SLC26A5: variants seen among roughly 807,000 people sequenced by gnomAD.
SLC26A5 encodes prestin.
Under a neutral mutation model 81.0 loss-of-function variants are expected in SLC26A5, and 51 were observed. The ratio of observed to expected loss-of-function variants is 0.63; its 90% CI spans 0.50 to 0.80. The LOEUF (loss-of-function observed/expected upper bound fraction) is 0.80, where lower values mean the gene tolerates loss of function less well. SLC26A5 is among the 30% of genes least tolerant of loss of function. The pLI is 0.00. For missense variants in SLC26A5, 771 were observed against 905.8 expected, an observed-to-expected ratio of 0.85 and a Z score of 1.91; for synonymous variants, 325 against 332.8, an observed-to-expected ratio of 0.98 and a Z score of 0.25.
chr7:103,364,109 AGTG>A (rs1820563542), intron 19 of SLC26A5: 2 of 1,600,370 alleles, frequency 1.2e-6, no homozygotes, highest in Non-Finnish European at 1.7e-6. Flanking sequence ...GTTATACAGA[AGTG>A]GTAAGTGTGA....
chr7:103,407,512 G>C (rs1477016333), intron 8 of SLC26A5, among the ~76,000 whole-genome samples: 1 of 152,064 alleles, frequency 6.6e-6, no homozygotes, highest in Non-Finnish European at 1.5e-5. Flanking sequence ...AATGGAAATG[G>C]ATTTCTTTTT....
chr7:103,438,389 C>CT (rs979524403), intron 2 of SLC26A5, among the ~76,000 whole-genome samples: 8,518 of 142,888 alleles, frequency 0.06, 632 homozygotes, highest in African/African-American at 0.17. Context: ...GATTTCTTTT[C>CT]TTTTTTTTTT....
At position 103,374,498 on chromosome 7, in the gene SLC26A5, G is replaced by A; in HGVS notation, c.2136C>T (p.Gly712=). Reference sequence around the variant, plus strand: ...CAGCAAGTGCCTCTCTAAGTTGGCTGCCTAAAACTGCATCATGAATGCTGT... The same window carrying A: ...CAGCAAGTGCCTCTCTAAGTTGGCTACCTAAAACTGCATCATGAATGCTGT... ...LFHSIHDAVL[G]SQLREALAEQ... The change falls in exon 20 of 20, where the codon GGC becomes GGT. Residue 712 remains glycine (G), a synonymous_variant. Transcript: ENST00000306312. 4 of 1,613,862 alleles carry A rather than the reference G, an allele frequency of 2.5e-6. No homozygotes were observed. The highest frequency in any genetic ancestry group is 3.4e-6 in the Non-Finnish European group (4 of 1,180,006).
At chr7:103,408,795 A>G (rs1305602737) in intron 7 of SLC26A5, among the ~76,000 whole-genome samples, 1 of 152,106 alleles carries the variant, frequency 6.6e-6, no homozygotes, top group African/African-American at 2.4e-5. Context: ...CCACTTAATT[A>G]TATCCTAGGG....
chr7:103,412,878 T>C (rs1384182666), intron 5 of SLC26A5, 124 bp downstream of exon 5: 4 of 741,392 alleles, frequency 5.4e-6, no homozygotes, highest in South Asian at 3.0e-5. Flanking sequence ...GCACCTATTG[T>C]GTATGCAGTA....
At chr7:103,389,817 G>A (rs892266861) in intron 12 of SLC26A5, among the ~76,000 whole-genome samples, 4 of 152,082 alleles carry the variant, frequency 2.6e-5, no homozygotes, top group East Asian at 1.9e-4. Flanking sequence ...TAGTAGAGAC[G>A]GGATTTCACC....
intron 2 of SLC26A5, among the ~76,000 whole-genome samples, chr7:103,439,792 C>T (rs1394810196): frequency 6.6e-6 from 1 of 152,170 alleles, no homozygotes; most frequent in Non-Finnish European, 1.5e-5. Flanking sequence ...CTTTGGCCTC[C>T]CAAAAGTGCT....
intron 2 of SLC26A5, among the ~76,000 whole-genome samples, chr7:103,428,564 T>C (rs909504514): frequency 5.0e-5 from 7 of 138,782 alleles, no homozygotes; most frequent in Non-Finnish European, 1.1e-4. Context: ...AGTACTTTTT[T>C]TTTTTTTTTT....
At chr7:103,381,594 A>G (rs2116389493) in intron 14 of SLC26A5, among the ~76,000 whole-genome samples, 1 of 151,622 alleles carries the variant, frequency 6.6e-6, no homozygotes, top group South Asian at 2.1e-4. Flanking sequence ...ACACATGCAT[A>G]CACACCACAC....
At chr7:103,374,649 T>TA in intron 19 of SLC26A5, 57 bp from the exon 20 acceptor site, 11 of 1,478,522 alleles carry the variant, frequency 7.4e-6, no homozygotes, top group Non-Finnish European at 8.4e-6. Context: ...CTTCAACAAT[T>TA]AAAAAAAAGT....
At chr7:103,363,502 C>T (rs1484980123) in intron 19 of SLC26A5, 1 of 1,411,170 alleles carries the variant, frequency 7.1e-7, no homozygotes, top group Non-Finnish European at 1.0e-6. Context: ...GTATTGAGCA[C>T]TAAAATTGCT....
At chr7:103,404,253 T>C (rs1279408944) in intron 8 of SLC26A5, among the ~76,000 whole-genome samples, 1 of 152,182 alleles carries the variant, frequency 6.6e-6, no homozygotes, top group Non-Finnish European at 1.5e-5. Context: ...ATTTTGCCCA[T>C]TAGTTGATGC....
At chr7:103,411,072 G>A (rs114497619) in intron 6 of SLC26A5, among the ~76,000 whole-genome samples, 2,481 of 152,206 alleles carry the variant, frequency 0.016, 85 homozygotes, top group African/African-American at 0.056. Context: ...TGCCTTCCCT[G>A]TCTCTCATTG....
Position 103,376,819 on chromosome 7 carries a change from G to T in SLC26A5, c.2030C>A (p.Ala677Glu). 1 of 1,602,880 alleles carries T rather than the reference G, an allele frequency of 6.2e-7. No homozygotes were observed. The highest frequency in any genetic ancestry group is 8.5e-7 in the Non-Finnish European group (1 of 1,170,396). ...AGAGGTATACTCACCACTGCATCCT[G>T]CTAAGTATACATATATACCGACGTC... ...YGDVGIYVYL[A>E]GCSAQVVNDL... The change falls in exon 19 of 20, where the codon GCA (alanine) becomes GAA (glutamate). Residue 677 changes from alanine (A) to glutamate (E), a missense_variant. Coordinates refer to ENST00000306312, the MANE Select transcript of SLC26A5 (RefSeq NM_198999.3).
chr7:103,408,009 A>G lies in SLC26A5; in HGVS notation c.736-6T>C. On this transcript the variant is annotated splice_polypyrimidine_tract_variant and splice_region_variant and intron_variant, in intron 7 of 19. Coordinates refer to ENST00000306312, the MANE Select transcript of SLC26A5 (RefSeq NM_198999.3). ...TGCAACACAGCAACTGTACTCTGTAACACAGTGAATGCTGGATGTTTACAT... is the reference window on the plus strand; with the variant it reads ...TGCAACACAGCAACTGTACTCTGTAGCACAGTGAATGCTGGATGTTTACAT... The G allele has an allele frequency of 6.2e-7, 1 of 1,614,120 alleles. No homozygotes were observed. The highest frequency in any genetic ancestry group is 8.5e-7 in the Non-Finnish European group (1 of 1,180,004).
At chr7:103,418,919 T>C (rs1825123362) in intron 4 of SLC26A5, among the ~76,000 whole-genome samples, 1 of 152,100 alleles carries the variant, frequency 6.6e-6, no homozygotes, top group Non-Finnish European at 1.5e-5. Flanking sequence ...CCTACGCAAA[T>C]CTCATCTTGA....
intron 15 of SLC26A5, among the ~76,000 whole-genome samples, chr7:103,380,142 A>C (rs1314495392): frequency 6.6e-6 from 1 of 152,208 alleles, no homozygotes; most frequent in African/African-American, 2.4e-5. Flanking sequence ...TACATTTTAC[A>C]TGGTTAAAAT....
chr7:103,362,255 A>G, intron 19 of SLC26A5: 1 of 1,422,768 alleles, frequency 7.0e-7, no homozygotes, highest in Non-Finnish European at 9.1e-7. Flanking sequence ...CTGCTTCCTA[A>G]CTTCCCATCG....
intron 2 of SLC26A5, among the ~76,000 whole-genome samples, chr7:103,429,106 A>G (rs1383795033): frequency 6.6e-6 from 1 of 152,222 alleles, no homozygotes; most frequent in Non-Finnish European, 1.5e-5. Flanking sequence ...AAGTTTCAAA[A>G]TGCCAATTAA....
Sources: gnomAD v4.1 joint callset for allele counts (sites outside exome capture counted in the v4.1 genomes callset) on GRCh38, gnomAD v4.1.1 for gene constraint, MANE v1.5 for transcripts, NCBI Gene and HGNC (gene_info 2026-07-23, HGNC 2026-07-21) for gene names.